The following NRG3 variants were observed in gnomAD, a reference collection of about 807,000 sequenced individuals.
NRG3 encodes pro-neuregulin-3, membrane-bound isoform.
Under a neutral mutation model 66.9 loss-of-function variants are expected in NRG3, and 31 were observed. That is an observed-to-expected ratio of 0.46 (90% CI 0.35 to 0.63). NRG3 has a LOEUF of 0.63. Among genes scored for constraint, NRG3 ranks in the 20% least tolerant of loss-of-function variants. The pLI, the probability that NRG3 is intolerant of heterozygous loss-of-function variation, is 0.00. For synonymous variants in NRG3, 393 were observed against 359.4 expected, an observed-to-expected ratio of 1.09 and a Z score of -1.06; for missense variants, 910 against 878.9, an observed-to-expected ratio of 1.04 and a Z score of -0.45.
chr10:82,811,094 C>T (rs913143066), intron 3 of NRG3, among the ~76,000 whole-genome samples: 3 of 152,124 alleles, frequency 2.0e-5, no homozygotes, highest in African/African-American at 7.2e-5. Context: ...TTTGAGCCTC[C>T]TTTGCAAAAT....
At chr10:82,612,305 C>T (rs1360021865) in intron 2 of NRG3, among the ~76,000 whole-genome samples, 1 of 151,994 alleles carries the variant, frequency 6.6e-6, no homozygotes, top group African/African-American at 2.4e-5. Context: ...TCTTGCCTTC[C>T]TTCCCTCATT....
At chr10:82,358,963 A>C in intron 2 of NRG3, 95 bp downstream of exon 2, 1 of 1,536,918 alleles carries the variant, frequency 6.5e-7, no homozygotes, top group Non-Finnish European at 8.9e-7. Context: ...CATATCCGGG[A>C]TACACACAGT....
chr10:82,211,094 T>C (rs1297482464), intron 1 of NRG3, among the ~76,000 whole-genome samples: 1 of 152,194 alleles, frequency 6.6e-6, no homozygotes, highest in African/African-American at 2.4e-5. Flanking sequence ...AAAATCCAGA[T>C]GGTCTTCCTT....
intron 1 of NRG3, among the ~76,000 whole-genome samples, chr10:82,277,057 C>T (rs542821097): frequency 1.2e-4 from 19 of 152,096 alleles, no homozygotes; most frequent in Non-Finnish European, 2.6e-4. Flanking sequence ...ATGGTTTAAA[C>T]TTCAGATGCT....
chr10:81,983,646 C>T (rs1014264100), intron 1 of NRG3, among the ~76,000 whole-genome samples: 3 of 152,140 alleles, frequency 2.0e-5, no homozygotes, highest in Non-Finnish European at 4.4e-5. Context: ...CGTGAATTTA[C>T]GTTGTCTTCA....
intron 1 of NRG3, among the ~76,000 whole-genome samples, chr10:82,154,972 A>G (rs1014877656): frequency 2.0e-5 from 3 of 151,802 alleles, no homozygotes; most frequent in Non-Finnish European, 4.4e-5. Flanking sequence ...GGTTTCTTCT[A>G]TATAAGATCA....
chr10:82,492,669 G>A (rs1292404681), intron 2 of NRG3, among the ~76,000 whole-genome samples: 1 of 152,222 alleles, frequency 6.6e-6, no homozygotes, highest in African/African-American at 2.4e-5. Flanking sequence ...AAAGTTGAAT[G>A]TATAAGTTCA....
At chr10:82,257,862 A>G (rs909601353) in intron 1 of NRG3, among the ~76,000 whole-genome samples, 1 of 152,236 alleles carries the variant, frequency 6.6e-6, no homozygotes, top group East Asian at 1.9e-4. Flanking sequence ...AAAGCATAGT[A>G]TTAATATGGA....
At chr10:81,880,706 G>C (rs1357884225) in intron 1 of NRG3, among the ~76,000 whole-genome samples, 2 of 152,150 alleles carry the variant, frequency 1.3e-5, no homozygotes, top group Non-Finnish European at 2.9e-5. Context: ...TGTCAAAAAT[G>C]GAACATGAAA....
chr10:82,090,958 G>C (rs1436462109), intron 1 of NRG3, among the ~76,000 whole-genome samples: 1 of 152,130 alleles, frequency 6.6e-6, no homozygotes, highest in Non-Finnish European at 1.5e-5. Context: ...TTACACAGGA[G>C]CATAACGGTG....
intron 4 of NRG3, among the ~76,000 whole-genome samples, chr10:82,884,621 G>A (rs939385592): frequency 6.6e-6 from 1 of 152,136 alleles, no homozygotes; most frequent in Non-Finnish European, 1.5e-5. Flanking sequence ...AAAACAATGT[G>A]ACATTATCCC....
intron 4 of NRG3, among the ~76,000 whole-genome samples, chr10:82,898,499 A>C (rs1591872827): frequency 6.6e-6 from 1 of 152,064 alleles, no homozygotes; most frequent in East Asian, 1.9e-4. Flanking sequence ...ACAAAAGTAG[A>C]TGGTGTGCCA....
At chr10:82,354,746 T>C (rs565971503) in intron 1 of NRG3, among the ~76,000 whole-genome samples, 1 of 152,128 alleles carries the variant, frequency 6.6e-6, no homozygotes, top group Non-Finnish European at 1.5e-5. Flanking sequence ...ATGCCATCCA[T>C]AAGCCCAAGG....
intron 1 of NRG3, among the ~76,000 whole-genome samples, chr10:82,049,783 G>A (rs7899903): frequency 0.013 from 1,939 of 151,894 alleles, 46 homozygotes; most frequent in African/African-American, 0.045. Flanking sequence ...GATATGAGTA[G>A]CCCAGAGCTC....
rs186698960 is a variant in NRG3 at position 82,601,922 on chromosome 10, A to G, written c.954-136655A>G. On this transcript the variant is annotated intron_variant, in intron 2 of 8. Coordinates refer to ENST00000372141, the MANE Select transcript of NRG3 (RefSeq NM_001010848.4). ...TATATAACTATATATATATAAAACT[A>G]TATATATATAGTTAACTAGGCTTGG... Among the ~76,000 whole-genome samples the G allele has an allele frequency of 1.6e-4, 23 of 147,254 alleles. No homozygotes were observed. The East Asian group carries it at 3.9e-3, about 25-fold the overall frequency.
chr10:82,010,396 G>T (rs2061529758), intron 1 of NRG3, among the ~76,000 whole-genome samples: 1 of 152,080 alleles, frequency 6.6e-6, no homozygotes, highest in African/African-American at 2.4e-5. Flanking sequence ...AATATAATGT[G>T]GTTTGAAAAA....
chr10:82,183,689 T>G (rs549205282), intron 1 of NRG3, among the ~76,000 whole-genome samples: 1 of 152,196 alleles, frequency 6.6e-6, no homozygotes, highest in South Asian at 2.1e-4. Flanking sequence ...TATTTGGCAA[T>G]GTCTAGAGAC....
intron 4 of NRG3, among the ~76,000 whole-genome samples, chr10:82,898,477 G>C (rs1031634860): frequency 3.3e-5 from 5 of 152,072 alleles, no homozygotes; most frequent in Non-Finnish European, 5.9e-5. Flanking sequence ...CCTTTCCATG[G>C]GTTCTGACTA....
chr10:82,530,270 A>G (rs534573348), intron 2 of NRG3, among the ~76,000 whole-genome samples: 9 of 152,120 alleles, frequency 5.9e-5, no homozygotes, highest in Non-Finnish European at 1.3e-4. Context: ...GCAGAAATGT[A>G]GTAACAATAG....
Sources: allele counts gnomAD v4.1 joint callset (sites outside exome capture counted in the v4.1 genomes callset), GRCh38; gene constraint gnomAD v4.1.1; transcripts MANE v1.5; gene names NCBI Gene and HGNC (gene_info 2026-07-23, HGNC 2026-07-21).